DCAF8: variants seen among roughly 807,000 people sequenced by gnomAD.
DCAF8 encodes DDB1 and CUL4 associated factor 8.
A neutral mutation model predicts 68.0 loss-of-function variants in DCAF8; 20 were observed. The ratio of observed to expected loss-of-function variants is 0.29; its 90% CI spans 0.21 to 0.43. The LOEUF is 0.43. Among genes scored for constraint, DCAF8 ranks in the 20% least tolerant of loss-of-function variants. DCAF8 has a pLI of 1.00. For synonymous variants in DCAF8, 230 were observed against 276.9 expected, an observed-to-expected ratio of 0.83 and a Z score of 1.68; for missense variants, 460 against 771.0, an observed-to-expected ratio of 0.60 and a Z score of 4.78.
rs1466236366 is a variant in DCAF8, at chr1:160,217,603, T to G, written c.1783A>C (p.Met595Leu). The stretch of plus-strand genomic sequence containing the variant: ...CTAGGTATGAGGCCTCAAGATGGCA[T>G]GCACTGCACCCGGTCAGGGCCCTCC... ...EEEGPDRVQC[M>L]PS Residue 595 changes from methionine (M) to leucine (L), a missense_variant, in exon 14 of 14, where the codon ATG (methionine) becomes CTG (leucine). Physicochemically the swap from Met to Leu is conservative, Grantham distance 15. This residue lies in a region of DCAF8 where 80 missense variants were observed against 115.1 expected (regional missense o/e 0.70). Transcript: ENST00000368074. The G allele has an allele frequency of 3.1e-6, 5 of 1,613,210 alleles. No individual in the cohort carries two copies. Among genetic ancestry groups the G allele is most frequent in the Non-Finnish European group, 4.2e-6 (5 of 1,179,616 alleles).
At chr1:160,252,996 G>C (rs915880279) in intron 2 of DCAF8, among the ~76,000 whole-genome samples, 1 of 152,188 alleles carries the variant, frequency 6.6e-6, no homozygotes, top group African/African-American at 2.4e-5. Flanking sequence ...TGAATTATCT[G>C]TACAGAGAAA....
At chr1:160,223,631 A>C (rs189369416) in intron 10 of DCAF8, among the ~76,000 whole-genome samples, 12 of 152,304 alleles carry the variant, frequency 7.9e-5, no homozygotes, top group African/African-American at 2.4e-4. Context: ...CAGGATTGGG[A>C]TTGGTGGCTC....
chr1:160,218,489 C>A lies in DCAF8; in HGVS notation c.1561-49G>T, dbSNP rs191844332. 2.9e-3 allele frequency: 4,054 copies of A among 1,383,830 alleles called. 33 individuals are homozygous for A. Among genetic ancestry groups the A allele is most frequent in the South Asian group, 0.016 (1,374 of 86,332 alleles). 85.7% of individuals were successfully genotyped at this position (1,383,830 alleles called of 1,614,324 possible). A position where few individuals can be genotyped will look rare whatever the true frequency, so the allele number is the denominator to read the frequency against. On this transcript the variant is annotated intron_variant, in intron 12 of 13. Coordinates refer to ENST00000368074, the MANE Select transcript of DCAF8 (RefSeq NM_015726.4). ...GAGGGGGCAGCAATGAAGAGGAACC[C>A]GGGACCTGATCAAGAAGGCTGATCT...
At chr1:160,246,626 C>T (rs1656351160) in intron 2 of DCAF8, among the ~76,000 whole-genome samples, 3 of 152,150 alleles carry the variant, frequency 2.0e-5, no homozygotes, top group African/African-American at 7.2e-5. Context: ...ACCCTTGTCT[C>T]TATAAATCAG....
intron 7 of DCAF8, among the ~76,000 whole-genome samples, 182 bp downstream of exon 7, chr1:160,231,115 T>C (rs545704691): frequency 6.6e-6 from 1 of 152,312 alleles, no homozygotes; most frequent in East Asian, 1.9e-4. Flanking sequence ...CCTCAGAGAC[T>C]GTTACATTAG....
At chr1:160,237,282 C>A in intron 5 of DCAF8, 53 bp from the exon 6 acceptor site, 1 of 1,245,256 alleles carries the variant, frequency 8.0e-7, no homozygotes, top group South Asian at 1.4e-5. Context: ...AATTAGAGGT[C>A]ATCTAGTTCA....
rs1014161446 is a variant in DCAF8, at chr1:160,257,531, A to G, written c.-27+3754T>C. On this transcript the variant is annotated intron_variant, in intron 2 of 13. Coordinates refer to ENST00000368074, the MANE Select transcript of DCAF8 (RefSeq NM_015726.4). ...ATACAAGACTTAGAGCACGAAACTC[A>G]AGATCCCAGTCTTTCACAACAGGGT... is the stretch of plus-strand genomic sequence containing the variant. Among the ~76,000 whole-genome samples the G allele has an allele frequency of 2.6e-5, 4 of 152,344 alleles. No homozygotes were observed. In the East Asian group the frequency reaches 7.7e-4, roughly 29 times the overall value.
rs1655145562 is a variant in DCAF8, at chr1:160,217,174, G to A, written c.*418C>T. 6.3e-6 allele frequency: 1 copy of A among 159,320 alleles called. No homozygotes were observed. The highest frequency in any genetic ancestry group is 1.4e-5 in the Non-Finnish European group (1 of 72,914). The allele number at this position is 159,320 out of a possible 1,614,324, so 9.9% of individuals were successfully genotyped here. ...GTCAAAAACCTAAACCAAAGAGAGA[G>A]TGGCACTCCTACCCTCCACTCTGGC... On this transcript the variant is annotated 3_prime_UTR_variant, in exon 14 of 14. Coordinates refer to ENST00000368074, the MANE Select transcript of DCAF8 (RefSeq NM_015726.4).
chr1:160,239,652 C>T (rs776849512), intron 4 of DCAF8, 45 bp downstream of exon 4: 6 of 1,614,190 alleles, frequency 3.7e-6, no homozygotes, highest in East Asian at 2.2e-5. Flanking sequence ...ATTTCTCTAA[C>T]TCATGCCTGA....
In DCAF8 at chr1:160,248,308, A is replaced by G. The variant is rs563484290; in HGVS notation, c.-26-4274T>C. Among the ~76,000 whole-genome samples the G allele has an allele frequency of 2.4e-3, 336 of 140,058 alleles. 4 individuals are homozygous for G. In the East Asian group the frequency reaches 0.072, roughly 30 times the overall value. 91.9% of individuals were successfully genotyped at this position (140,058 alleles called of 152,430 possible). On this transcript the variant is annotated intron_variant, in intron 2 of 13. Coordinates refer to ENST00000368074, the MANE Select transcript of DCAF8 (RefSeq NM_015726.4). ...AGTGACAAAGAGAGACTCCATCTAG[A>G]AAAAAAAAAAAATTAAAATATCTCC...
chr1:160,249,949 T>C (rs1328990959), intron 2 of DCAF8, among the ~76,000 whole-genome samples: 7 of 152,070 alleles, frequency 4.6e-5, no homozygotes, highest in African/African-American at 1.4e-4. Flanking sequence ...GATAAAACTA[T>C]AGGAATAGAG....
chr1:160,238,852 T>A, intron 4 of DCAF8, 105 bp from the exon 5 acceptor site: 1 of 1,212,390 alleles, frequency 8.2e-7, no homozygotes. Context: ...TTTTCTTACA[T>A]GACAGCTGGA....
chr1:160,231,563 G>A (rs756533833), intron 6 of DCAF8, among the ~76,000 whole-genome samples, 156 bp from the exon 7 acceptor site: 2 of 152,154 alleles, frequency 1.3e-5, no homozygotes, highest in Non-Finnish European at 2.9e-5. Flanking sequence ...TGTTTTGTAC[G>A]TAACAACAGG....
chr1:160,261,813 A>G (rs1271413575), intron 1 of DCAF8: 1 of 152,300 alleles, frequency 6.6e-6, no homozygotes, highest in African/African-American at 2.4e-5. Context: ...GATATCCTAA[A>G]AGATTTGGGA....
chr1:160,256,457 A>G (rs1656838429), intron 2 of DCAF8, among the ~76,000 whole-genome samples: 1 of 152,214 alleles, frequency 6.6e-6, no homozygotes, highest in Non-Finnish European at 1.5e-5. Context: ...AAGTAAGGTT[A>G]ACAAAACATA....
At chr1:160,234,187 CT>C (rs1234165090) in intron 6 of DCAF8, among the ~76,000 whole-genome samples, 1 of 150,224 alleles carries the variant, frequency 6.7e-6, no homozygotes, top group African/African-American at 2.5e-5. Flanking sequence ...AAAAATGCCT[CT>C]GACAAGATCA....
At chr1:160,254,906 T>A (rs1467343472) in intron 2 of DCAF8, among the ~76,000 whole-genome samples, 2 of 152,216 alleles carry the variant, frequency 1.3e-5, no homozygotes, top group African/African-American at 4.8e-5. Flanking sequence ...CACCTGCTTT[T>A]GAGTTTTTCT....
chr1:160,230,656 C>A (rs1398115082), intron 7 of DCAF8, among the ~76,000 whole-genome samples: 1 of 152,178 alleles, frequency 6.6e-6, no homozygotes, highest in African/African-American at 2.4e-5. Flanking sequence ...TATTTACATA[C>A]GAAAAAGGTA....
At chr1:160,243,860 CCT>C (rs1557838122) in intron 3 of DCAF8, 98 bp downstream of exon 3, 1 of 1,189,396 alleles carries the variant, frequency 8.4e-7, no homozygotes, top group East Asian at 2.3e-5. Flanking sequence ...GGAAAGTTTC[CCT>C]CTCTCCACTA....
Sources: allele counts gnomAD v4.1 joint callset (sites outside exome capture counted in the v4.1 genomes callset), GRCh38; gene constraint gnomAD v4.1.1; regional missense constraint gnomAD v4.1.1; transcripts MANE v1.5; gene names NCBI Gene and HGNC (gene_info 2026-07-23, HGNC 2026-07-21).